EMILIN1: variants seen among roughly 807,000 people sequenced by gnomAD.
EMILIN1 encodes elastin microfibril interfacer 1.
A neutral mutation model predicts 82.4 loss-of-function variants in EMILIN1; 49 were observed. The ratio of observed to expected loss-of-function variants is 0.59; its 90% CI spans 0.47 to 0.75. The LOEUF (loss-of-function observed/expected upper bound fraction) is 0.75. Ranked by LOEUF, EMILIN1 falls within the 30% of genes least tolerant of loss-of-function variation. EMILIN1 has a pLI of 0.00. For missense variants in EMILIN1, 1,313 were observed against 1,366.4 expected, an observed-to-expected ratio of 0.96 and a Z score of 0.62; for synonymous variants, 604 against 602.2, an observed-to-expected ratio of 1.00 and a Z score of -0.04.
In EMILIN1 at chr2:27,086,080, G is replaced by A. The variant is rs1012794985; in HGVS notation, c.*65G>A. ...ACAGCGGGGGCGGCGGGCTCCTGGG[G>A]TCTCGCCTGAGACGGGGCACCTAGC... On this transcript the variant is annotated 3_prime_UTR_variant, in exon 8 of 8. Transcript: ENST00000380320. The A allele has an allele frequency of 7.9e-7, 1 of 1,262,996 alleles. No homozygotes were observed. Among genetic ancestry groups the A allele is most frequent in the Non-Finnish European group, 1.0e-6 (1 of 955,588 alleles). The allele number at this position is 1,262,996 out of a possible 1,614,324, so 78.2% of individuals were successfully genotyped here. A position where few individuals can be genotyped will look rare whatever the true frequency, so the allele number is the denominator to read the frequency against.
chr2:27,078,850 G>C lies in EMILIN1; in HGVS notation c.-216G>C, dbSNP rs13431506. The C allele has an allele frequency of 2.3e-3, 1,127 of 481,610 alleles. 11 individuals are homozygous for C. Among genetic ancestry groups the C allele is most frequent in the African/African-American group, 0.02 (1,003 of 49,078 alleles). The allele number at this position is 481,610 out of a possible 1,614,324, so 29.8% of individuals were successfully genotyped here. On this transcript the variant is annotated 5_prime_UTR_variant, in exon 1 of 8. Transcript: ENST00000380320. The stretch of plus-strand genomic sequence containing the variant: ...TGAAGAGGAGAGCGGAAGGAACCGA[G>C]AGGGGACGGACAGGAGCTGAGGAGG...
rs1558436591 is a variant in EMILIN1, at chr2:27,085,946, C to G, written c.2982C>G (p.His994Gln). 3.3e-6 allele frequency: 5 copies of G among 1,521,068 alleles called. No individual in the cohort carries two copies. The highest frequency in any genetic ancestry group is 4.4e-6 in the Non-Finnish European group (5 of 1,126,546). The allele number at this position is 1,521,068 out of a possible 1,614,324, so 94.2% of individuals were successfully genotyped here. Residue 994 changes from histidine (H) to glutamine (Q), a missense_variant, in exon 8 of 8, where the codon CAC becomes CAG. Transcript: ENST00000380320. ...ACCTGGTCATGGGGCAGCTGGCGCACTCGGAGGAGCCGCTCACCATCTTCA... is the reference window on the plus strand; with the variant it reads ...ACCTGGTCATGGGGCAGCTGGCGCAGTCGGAGGAGCCGCTCACCATCTTCA... ...CVDLVMGQLAHSEEPLTIFSG... is the reference protein window; with the variant it reads ...CVDLVMGQLAQSEEPLTIFSG...
chr2:27,079,266 G>T, intron 1 of EMILIN1, 31 bp downstream of exon 1: 2 of 1,526,056 alleles, frequency 1.3e-6, no homozygotes, highest in Non-Finnish European at 1.7e-6. Context: ...CCGAGGCTTG[G>T]GTGGTGAGGA....
chr2:27,079,088 G>T lies in EMILIN1; in HGVS notation c.23G>T (p.Ser8Ile). The T allele has an allele frequency of 6.2e-7, 1 of 1,604,358 alleles. No individual in the cohort carries two copies. Among genetic ancestry groups the T allele is most frequent in the Non-Finnish European group, 8.5e-7 (1 of 1,176,226 alleles). MAPRTLWSCYLCCLLTAA... is the reference protein window; with the variant it reads MAPRTLWICYLCCLLTAA... ...GCCATGGCCCCCCGCACCCTCTGGA[G>T]CTGCTACCTCTGCTGCCTGCTGACG... Residue 8 changes from serine to isoleucine, a missense_variant, in exon 1 of 8, where the codon AGC (serine) becomes ATC (isoleucine). Coordinates refer to ENST00000380320, the MANE Select transcript of EMILIN1 (RefSeq NM_007046.4).
chr2:27,079,980 C>T (rs534050871), intron 1 of EMILIN1, among the ~76,000 whole-genome samples, 171 bp from the exon 2 acceptor site: 2 of 152,368 alleles, frequency 1.3e-5, no homozygotes, highest in Admixed American at 1.3e-4. Context: ...GCTCCTGCTA[C>T]ACAGGAAAGC....
rs992095726 is a variant in EMILIN1, at chr2:27,081,587, G to A, written c.512-496G>A. Among the ~76,000 whole-genome samples, 5 of 152,076 alleles carry A rather than the reference G, an allele frequency of 3.3e-5. No homozygotes were observed. In the South Asian group the frequency reaches 8.3e-4, roughly 25 times the overall value. ...TGCAGGGAAGTGTCACCCAGTGGTA[G>A]CTACTGTTGTGGCATCCAGAGTGCC... On this transcript the variant is annotated intron_variant, in intron 3 of 7. Coordinates refer to ENST00000380320, the MANE Select transcript of EMILIN1 (RefSeq NM_007046.4).
In EMILIN1 at chr2:27,083,204, C is replaced by A. The variant is rs569070507; in HGVS notation, c.1633C>A (p.Arg545Ser). The A allele has an allele frequency of 2.4e-5, 38 of 1,611,656 alleles. No homozygotes were observed. In the Admixed American group the frequency reaches 6.2e-4, roughly 26 times the overall value. Reference sequence around the variant, plus strand: ...AGAGGTTGTGGGCCGGCTCCAGGATCGTGTGGATGCCCAGGATGAGACAGC... The same window carrying A: ...AGAGGTTGTGGGCCGGCTCCAGGATAGTGTGGATGCCCAGGATGAGACAGC... Reference protein sequence around the residue: ...LQEVVGRLQDRVDAQDETAAE... With the variant: ...LQEVVGRLQDSVDAQDETAAE... Residue 545 changes from arginine (R) to serine (S), a missense_variant, in exon 4 of 8, where the codon CGT becomes AGT. By Grantham distance (110) the Arg-to-Ser change is moderately radical. Coordinates refer to ENST00000380320, the MANE Select transcript of EMILIN1 (RefSeq NM_007046.4).
Position 27,084,976 on chromosome 2 carries a change from T to C in EMILIN1, c.2558-15T>C. ...GCTGCTTTATTTCTCACTGCTCCCT[T>C]TCCTCTTCTCACAGGTCCTCAAGGT... On this transcript the variant is annotated splice_polypyrimidine_tract_variant and intron_variant, in intron 5 of 7. Coordinates refer to ENST00000380320, the MANE Select transcript of EMILIN1 (RefSeq NM_007046.4). 1 of 1,613,268 alleles carries C rather than the reference T, an allele frequency of 6.2e-7. No homozygotes were observed. The highest frequency in any genetic ancestry group is 1.1e-5 in the South Asian group (1 of 91,076).
chr2:27,080,604 G>T, intron 2 of EMILIN1, 128 bp from the exon 3 acceptor site: 1 of 766,968 alleles, frequency 1.3e-6, no homozygotes, highest in Non-Finnish European at 2.1e-6. Flanking sequence ...GCCACATGTT[G>T]GACAGTAAGA....
In EMILIN1 at chr2:27,083,244, T is replaced by C; in HGVS notation, c.1673T>C (p.Leu558Pro). ...AQDETAAEFT[L>P]RLNLTAARLG... is the part of the protein sequence containing the mutation. ...GATGAGACAGCTGCAGAGTTCACAC[T>C]ACGGCTGAATCTCACTGCGGCCCGG... The change falls in exon 4 of 8, where the codon CTA (leucine) becomes CCA (proline). Residue 558 changes from leucine to proline, a missense_variant. Physicochemically the swap from Leu to Pro is moderately conservative, Grantham distance 98 (BLOSUM62 -3). Coordinates refer to ENST00000380320, the MANE Select transcript of EMILIN1 (RefSeq NM_007046.4). The C allele has an allele frequency of 1.2e-6, 2 of 1,612,334 alleles. No homozygotes were observed. Among genetic ancestry groups the C allele is most frequent in the Non-Finnish European group, 1.7e-6 (2 of 1,179,158 alleles).
Position 27,083,554 on chromosome 2 carries a change from G to A in EMILIN1, c.1983G>A (p.Leu661=). Residue 661 remains leucine (L), a synonymous_variant, in exon 4 of 8, where the codon CTG becomes CTA. Transcript: ENST00000380320. ...GCTTCAGCTCCCTCAATGACTCACT[G>A]AATGAGCTCCAGACCACTGTGGAGG... ...ILSFSSLNDS[L]NELQTTVEGQ... is the part of the protein sequence containing the mutation. 6.2e-7 allele frequency: 1 copy of A among 1,614,174 alleles called. No individual in the cohort carries two copies. Among genetic ancestry groups the A allele is most frequent in the Non-Finnish European group, 8.5e-7 (1 of 1,180,008 alleles).
chr2:27,082,411 C>T lies in EMILIN1; in HGVS notation c.840C>T (p.Ala280=), dbSNP rs1459883525. Residue 280 remains alanine (A), a synonymous_variant, in exon 4 of 8, where the codon GCC becomes GCT. Transcript: ENST00000380320. The stretch of plus-strand genomic sequence containing the variant: ...GGGGCAGCAGGGCCCCAGCCCCAGC[C>T]TCAGCCCCTCCGGGCCCCAGTGAGG... ...SSGGSRAPAP[A]SAPPGPSEEL... is the part of the protein sequence containing the mutation. 13 of 1,606,852 alleles carry T rather than the reference C, an allele frequency of 8.1e-6. No individual in the cohort carries two copies. The highest frequency in any genetic ancestry group is 1.1e-5 in the Non-Finnish European group (13 of 1,178,296).
rs138406015 is a variant in EMILIN1 at position 27,082,034 on chromosome 2, T to G, written c.512-49T>G. On this transcript the variant is annotated intron_variant, in intron 3 of 7. Coordinates refer to ENST00000380320, the MANE Select transcript of EMILIN1 (RefSeq NM_007046.4). The stretch of plus-strand genomic sequence containing the variant: ...CTGGAGCTGGGGTGAGCAGGGGCCT[T>G]GAGCTCTGGGGTCCAGCCCCTCTGC... 1.9e-4 allele frequency: 286 copies of G among 1,512,834 alleles called. No homozygotes were observed. In the African/African-American group the frequency reaches 3.4e-3, roughly 18 times the overall value. The allele number at this position is 1,512,834 out of a possible 1,614,324, so 93.7% of individuals were successfully genotyped here. A position where few individuals can be genotyped will look rare whatever the true frequency, so the allele number is the denominator to read the frequency against.
chr2:27,080,696 G>A, intron 2 of EMILIN1, 36 bp from the exon 3 acceptor site: 3 of 1,560,672 alleles, frequency 1.9e-6, no homozygotes, highest in South Asian at 2.3e-5. Flanking sequence ...TGACCGTACA[G>A]GGAGGAATAA....
chr2:27,079,019 T>G lies in EMILIN1; in HGVS notation c.-47T>G, dbSNP rs768773136. The G allele has an allele frequency of 2.1e-6, 3 of 1,446,332 alleles. No homozygotes were observed. The highest frequency in any genetic ancestry group is 2.7e-5 in the South Asian group (2 of 74,358). 89.6% of individuals were successfully genotyped at this position (1,446,332 alleles called of 1,614,324 possible). ...TCCCCGGGGCCGGCAGAGGCGCCAG[T>G]GGCTGGGCGGGATGAGTCTCTGAGG... On this transcript the variant is annotated 5_prime_UTR_variant, in exon 1 of 8. Transcript: ENST00000380320.
At position 27,082,642 on chromosome 2, in the gene EMILIN1, G is replaced by C; in HGVS notation, c.1071G>C (p.Glu357Asp). The change falls in exon 4 of 8, where the codon GAG (glutamate) becomes GAC (aspartate). Residue 357 changes from glutamate to aspartate, a missense_variant. Coordinates refer to ENST00000380320, the MANE Select transcript of EMILIN1 (RefSeq NM_007046.4). Reference protein sequence around the residue: ...RRPPQECCSPELGRRLAELER... With the variant: ...RRPPQECCSPDLGRRLAELER... Reference sequence around the variant, plus strand: ...CCCCTCAGGAATGCTGCTCTCCAGAGCTGGGCCGGCGACTGGCAGAGCTGG... The same window carrying C: ...CCCCTCAGGAATGCTGCTCTCCAGACCTGGGCCGGCGACTGGCAGAGCTGG... 6.5e-7 allele frequency: 1 copy of C among 1,547,256 alleles called. No homozygotes were observed. Among genetic ancestry groups the C allele is most frequent in the Non-Finnish European group, 8.7e-7 (1 of 1,148,852 alleles).
intron 1 of EMILIN1, 124 bp downstream of exon 1, chr2:27,079,359 A>G: frequency 1.2e-6 from 1 of 846,796 alleles, no homozygotes; most frequent in Non-Finnish European, 1.7e-6. Flanking sequence ...CCCATCCATC[A>G]GGTGGCTCCT....
At chr2:27,080,344 G>C in intron 2 of EMILIN1, 74 bp downstream of exon 2, 1 of 1,583,276 alleles carries the variant, frequency 6.3e-7, no homozygotes, top group Non-Finnish European at 8.6e-7. Context: ...CTGACTCAGG[G>C]AGTCTGTATG....
At position 27,082,387 on chromosome 2, in the gene EMILIN1, G is replaced by T; in HGVS notation, c.816G>T (p.Gly272=). 1 of 1,609,878 alleles carries T rather than the reference G, an allele frequency of 6.2e-7. No individual in the cohort carries two copies. Among genetic ancestry groups the T allele is most frequent in the Non-Finnish European group, 8.5e-7 (1 of 1,179,250 alleles). ...ATCATGGCGGCAGCAGCAGCAGTGGGGGCAGCAGGGCCCCAGCCCCAGCCT... is the reference window on the plus strand; with the variant it reads ...ATCATGGCGGCAGCAGCAGCAGTGGTGGCAGCAGGGCCCCAGCCCCAGCCT... ...NNHHGGSSSS[G]GSRAPAPASA... is the part of the protein sequence containing the mutation. The change falls in exon 4 of 8, where the codon GGG becomes GGT. Residue 272 remains glycine, a synonymous_variant. Coordinates refer to ENST00000380320, the MANE Select transcript of EMILIN1 (RefSeq NM_007046.4).
Sources: gnomAD v4.1 joint callset for allele counts (sites outside exome capture counted in the v4.1 genomes callset) on GRCh38, gnomAD v4.1.1 for gene constraint, MANE v1.5 for transcripts, NCBI Gene and HGNC (gene_info 2026-07-23, HGNC 2026-07-21) for gene names.